The following CPNE5 variants were observed in gnomAD, a reference collection of about 807,000 sequenced individuals.
CPNE5 encodes the protein copine 5.
Under a neutral mutation model 81.1 loss-of-function variants are expected in CPNE5, and 42 were observed. The observed-to-expected ratio is 0.52, with a 90% CI of 0.40 to 0.67. CPNE5 has a LOEUF of 0.67. CPNE5 is among the 30% of genes least tolerant of loss of function. The probability of loss-of-function intolerance (pLI) is 0.00; values close to 1 mark genes in which losing one functional copy is unlikely to be tolerated. For missense variants in CPNE5, 612 were observed against 815.5 expected, an observed-to-expected ratio of 0.75 and a Z score of 3.04; for synonymous variants, 313 against 321.5, an observed-to-expected ratio of 0.97 and a Z score of 0.28.
At chr6:36,783,671 C>T (rs1768263473) in intron 8 of CPNE5, among the ~76,000 whole-genome samples, 1 of 152,102 alleles carries the variant, frequency 6.6e-6, no homozygotes, top group African/African-American at 2.4e-5. Context: ...GCCCCATGCC[C>T]AGCTAGATTT....
chr6:36,805,045 A>G (rs1321924241), intron 3 of CPNE5, among the ~76,000 whole-genome samples: 1 of 152,252 alleles, frequency 6.6e-6, no homozygotes, highest in Non-Finnish European at 1.5e-5. Flanking sequence ...TTAAAATCTG[A>G]GAAGCCACCA....
intron 7 of CPNE5, among the ~76,000 whole-genome samples, chr6:36,793,549 G>A (rs577193380): frequency 6.6e-6 from 1 of 152,044 alleles, no homozygotes; most frequent in East Asian, 1.9e-4. Context: ...TTCTATTTCC[G>A]ATCCTTCTTT....
intron 3 of CPNE5, among the ~76,000 whole-genome samples, chr6:36,812,255 C>A (rs1369694369): frequency 6.6e-6 from 1 of 152,222 alleles, no homozygotes; most frequent in Non-Finnish European, 1.5e-5. Flanking sequence ...CCTCTGAGCT[C>A]TGCTTCCTCA....
intron 6 of CPNE5, among the ~76,000 whole-genome samples, 180 bp from the exon 7 acceptor site, chr6:36,794,829 T>C (rs995713508): frequency 1.3e-5 from 2 of 152,124 alleles, no homozygotes; most frequent in Non-Finnish European, 2.9e-5. Flanking sequence ...TTCCTCTCCT[T>C]CAGTGGTTCT....
intron 8 of CPNE5, among the ~76,000 whole-genome samples, chr6:36,791,177 T>C (rs548839327): frequency 1.3e-5 from 2 of 152,264 alleles, no homozygotes; most frequent in African/African-American, 2.4e-5. Flanking sequence ...TTATAGCCAC[T>C]CTTAGGTTAG....
chr6:36,820,570 T>C (rs542625705), intron 3 of CPNE5, among the ~76,000 whole-genome samples: 1 of 152,224 alleles, frequency 6.6e-6, no homozygotes, highest in Admixed American at 6.5e-5. Context: ...GCTGGACTGT[T>C]CTAGGTGCTC....
chr6:36,746,350 ACC>A lies in CPNE5; in HGVS notation c.1200+44_1200+45del. ...CCCCCCACCCCCAGCTTGTCACCTC[ACC>A]CCCAGCCTGATCAGTCCTCTCTCCC... On this transcript the variant is annotated intron_variant, in intron 16 of 20. Transcript: ENST00000244751. The surrounding 1 kb of genome is among the most constrained non-coding windows in gnomAD (Gnocchi z 4.5). The A allele has an allele frequency of 7.7e-7, 1 of 1,293,520 alleles. No homozygotes were observed. Among genetic ancestry groups the A allele is most frequent in the African/African-American group, 1.8e-5 (1 of 54,394 alleles). 80.1% of individuals were successfully genotyped at this position (1,293,520 alleles called of 1,614,324 possible). A position where few individuals can be genotyped will look rare whatever the true frequency, so the allele number is the denominator to read the frequency against.
At chr6:36,803,792 AT>A (rs1160913968) in intron 3 of CPNE5, among the ~76,000 whole-genome samples, 1 of 152,206 alleles carries the variant, frequency 6.6e-6, no homozygotes, top group African/African-American at 2.4e-5. Flanking sequence ...TTTTTAAAAA[AT>A]ATATGCTTTA....
intron 1 of CPNE5, 32 bp from the exon 2 acceptor site, chr6:36,823,130 C>A: frequency 6.6e-7 from 1 of 1,523,030 alleles, no homozygotes; most frequent in Non-Finnish European, 8.8e-7. Context: ...GGGGTTAGCA[C>A]GGCCAGCTGA....
At position 36,742,213 on chromosome 6, in the gene CPNE5, C is replaced by T. The variant is rs1763628321; in HGVS notation, c.*55G>A. The T allele has an allele frequency of 4.3e-6, 6 of 1,382,586 alleles. No individual in the cohort carries two copies. The South Asian group carries it at 6.5e-5, about 15-fold the overall frequency. The allele number at this position is 1,382,586 out of a possible 1,614,324, so 85.6% of individuals were successfully genotyped here. A position where few individuals can be genotyped will look rare whatever the true frequency, so the allele number is the denominator to read the frequency against. On this transcript the variant is annotated 3_prime_UTR_variant, in exon 21 of 21. Coordinates refer to ENST00000244751, the MANE Select transcript of CPNE5 (RefSeq NM_020939.2). ...ACTTCGGGGAGTCTGGGGCCCTGGCCTCCCATTCACCTGGCCTCTCCCAGG... is the reference window on the plus strand; with the variant it reads ...ACTTCGGGGAGTCTGGGGCCCTGGCTTCCCATTCACCTGGCCTCTCCCAGG...
At chr6:36,814,727 G>A (rs997188742) in intron 3 of CPNE5, among the ~76,000 whole-genome samples, 6 of 152,158 alleles carry the variant, frequency 3.9e-5, no homozygotes, top group Admixed American at 2.0e-4. Flanking sequence ...GTCCAGGAGG[G>A]TGCTCAGGTT....
intron 14 of CPNE5, among the ~76,000 whole-genome samples, chr6:36,751,426 A>C (rs1764811515): frequency 6.6e-6 from 1 of 152,242 alleles, no homozygotes; most frequent in Non-Finnish European, 1.5e-5. Context: ...AAGCTCTGTA[A>C]AATGGGGATA....
intron 3 of CPNE5, among the ~76,000 whole-genome samples, chr6:36,812,162 G>C (rs550679958): frequency 6.6e-6 from 1 of 152,298 alleles, no homozygotes; most frequent in East Asian, 1.9e-4. Context: ...CAGAGGAGAA[G>C]ACCAGGGACT....
chr6:36,772,736 CA>C (rs1767148168), intron 10 of CPNE5, among the ~76,000 whole-genome samples: 1 of 152,268 alleles, frequency 6.6e-6, no homozygotes, highest in Non-Finnish European at 1.5e-5. Context: ...CGGAGTGTAA[CA>C]GGGGTGCCTG....
intron 9 of CPNE5, among the ~76,000 whole-genome samples, chr6:36,776,216 C>T (rs558756626): frequency 3.3e-5 from 5 of 152,216 alleles, no homozygotes; most frequent in African/African-American, 1.2e-4. Flanking sequence ...TCCCACAACC[C>T]GCCCCAGCTA....
At chr6:36,743,094 C>T in intron 20 of CPNE5, 1 of 985,376 alleles carries the variant, frequency 1.0e-6, no homozygotes, top group Non-Finnish European at 1.2e-6. Flanking sequence ...GATACTGGGC[C>T]CCAATTTTTA....
intron 1 of CPNE5, among the ~76,000 whole-genome samples, chr6:36,832,134 C>T (rs1192312177): frequency 2.0e-5 from 3 of 152,214 alleles, no homozygotes; most frequent in Admixed American, 6.5e-5. Flanking sequence ...TCAAGCTGTG[C>T]TTGGAGAATC....
intron 14 of CPNE5, 83 bp from the exon 15 acceptor site, chr6:36,748,350 A>G: frequency 1.6e-6 from 2 of 1,251,258 alleles, no homozygotes; most frequent in Admixed American, 3.4e-5. Context: ...ATTGGCTACC[A>G]CCCTGGCTCT....
chr6:36,773,703 G>A (rs1460608540), intron 10 of CPNE5, among the ~76,000 whole-genome samples: 3 of 152,152 alleles, frequency 2.0e-5, no homozygotes, highest in Non-Finnish European at 4.4e-5. Flanking sequence ...GGAAACTCAG[G>A]CTCAGACAGG....
Sources: gnomAD v4.1 joint callset for allele counts (sites outside exome capture counted in the v4.1 genomes callset) on GRCh38, gnomAD v4.1.1 for gene constraint, Gnocchi (gnomAD v3.1) non-coding constraint, MANE v1.5 for transcripts, NCBI Gene and HGNC (gene_info 2026-07-23, HGNC 2026-07-21) for gene names.